Variants in SMPD1 observed in about 807,000 individuals in gnomAD.
The protein encoded by SMPD1 is sphingomyelin phosphodiesterase 1, also known as sphingomyelin phosphodiesterase.
Under a neutral mutation model 49.7 loss-of-function variants are expected in SMPD1, and 47 were observed. The observed-to-expected ratio is 0.95, with a 90% CI of 0.75 to 1.21. The LOEUF (loss-of-function observed/expected upper bound fraction) is 1.21, where lower values mean the gene tolerates loss of function less well. Ranked by LOEUF, SMPD1 falls within the 50% of genes most tolerant of loss-of-function variation. SMPD1 has a pLI of 0.00. For missense variants in SMPD1, 811 were observed against 822.2 expected (o/e 0.99, Z 0.17); for synonymous variants, 336 against 339.6 (o/e 0.99, Z 0.12).
Position 6,390,484 on chromosome 11 carries a change from C to G in SMPD1, c.-115C>G. On this transcript the variant is annotated 5_prime_UTR_variant, in exon 1 of 6. Transcript: ENST00000342245. Reference sequence around the variant, plus strand: ...GGCCGGCCGCGGAGCAGTCAGCCGACTACAGAGAAGGGTAATCGGGTGTCC... The same window carrying G: ...GGCCGGCCGCGGAGCAGTCAGCCGAGTACAGAGAAGGGTAATCGGGTGTCC... The G allele has an allele frequency of 6.5e-7, 1 of 1,528,146 alleles. No individual in the cohort carries two copies. Among genetic ancestry groups the G allele is most frequent in the Non-Finnish European group, 8.8e-7 (1 of 1,138,272 alleles). 94.7% of individuals were successfully genotyped at this position (1,528,146 alleles called of 1,614,324 possible).
Position 6,393,403 on chromosome 11 carries a change from G to A in SMPD1, c.1263+16G>A, listed in dbSNP as rs1308396151. On this transcript the variant is annotated intron_variant, in intron 3 of 5. Coordinates refer to ENST00000342245, the MANE Select transcript of SMPD1 (RefSeq NM_000543.5). ...AGGAGACAAAGTGAGGGCCAGTAGTGGGAACACGGTGGTGCTGGGGGACAA... is the reference window on the plus strand; with the variant it reads ...AGGAGACAAAGTGAGGGCCAGTAGTAGGAACACGGTGGTGCTGGGGGACAA... The A allele has an allele frequency of 6.2e-7, 1 of 1,608,704 alleles. No individual in the cohort carries two copies. Among genetic ancestry groups the A allele is most frequent in the Non-Finnish European group, 8.5e-7 (1 of 1,176,682 alleles).
At position 6,390,921 on chromosome 11, in the gene SMPD1, G is replaced by A. The variant is rs375723261; in HGVS notation, c.318+5G>A. ...GCCATCAACCTCGGGCTGAAGGTGA[G>A]CACTGAAGGGGCTGCAGTGGAGGAG... is the stretch of plus-strand genomic sequence containing the variant. On this transcript the variant is annotated splice_donor_5th_base_variant and intron_variant, in intron 1 of 5. Coordinates refer to ENST00000342245, the MANE Select transcript of SMPD1 (RefSeq NM_000543.5). 2.5e-6 allele frequency: 4 copies of A among 1,613,898 alleles called. No homozygotes were observed. Among genetic ancestry groups the A allele is most frequent in the African/African-American group, 1.3e-5 (1 of 74,938 alleles).
At chr11:6,391,066 ACACCCATGGCTACATGC>A (rs1847888464) in intron 1 of SMPD1, 150 bp downstream of exon 1, 2 of 1,060,094 alleles carry the variant, frequency 1.9e-6, no homozygotes, top group East Asian at 5.1e-5. Flanking sequence ...CCCTTTGGGG[ACACCCATGGCTACATGC>A]CACCATCACC....
chr11:6,394,879 G>C lies in SMPD1; in HGVS notation c.*272G>C, dbSNP rs528743699. ...AGAGGCCTAAGTTGACACTGCCCTGGGCAGACAAGACAGGAGCTGTCGCCC... is the reference window on the plus strand; with the variant it reads ...AGAGGCCTAAGTTGACACTGCCCTGCGCAGACAAGACAGGAGCTGTCGCCC... On this transcript the variant is annotated 3_prime_UTR_variant, in exon 6 of 6. Transcript: ENST00000342245. 580 of 534,410 alleles carry C rather than the reference G, an allele frequency of 1.1e-3. No homozygotes were observed. Among genetic ancestry groups the C allele is most frequent in the Non-Finnish European group, 1.7e-3 (513 of 297,130 alleles). The allele number at this position is 534,410 out of a possible 1,614,324, so 33.1% of individuals were successfully genotyped here. A position where few individuals can be genotyped will look rare whatever the true frequency, so the allele number is the denominator to read the frequency against.
Position 6,394,768 on chromosome 11 carries a change from T to C in SMPD1, c.*161T>C. The C allele has an allele frequency of 1.5e-6, 1 of 685,002 alleles. No individual in the cohort carries two copies. The highest frequency in any genetic ancestry group is 2.7e-5 in the East Asian group (1 of 37,068). The allele number at this position is 685,002 out of a possible 1,614,324, so 42.4% of individuals were successfully genotyped here. ...GGACCTTCTCCTTTCCTGGAGCTGG[T>C]TTAGCTGGATATGGGAGGGGGTTTG... On this transcript the variant is annotated 3_prime_UTR_variant, in exon 6 of 6. Coordinates refer to ENST00000342245, the MANE Select transcript of SMPD1 (RefSeq NM_000543.5).
chr11:6,391,175 C>T (rs1847890821), intron 1 of SMPD1, among the ~76,000 whole-genome samples: 2 of 152,264 alleles, frequency 1.3e-5, no homozygotes, highest in Admixed American at 6.5e-5. Context: ...CCTCATGCCA[C>T]AGGCCGCTGA....
Position 6,392,434 on chromosome 11 carries a change from G to A in SMPD1, c.1091+278G>A, listed in dbSNP as rs113960387. On this transcript the variant is annotated intron_variant, in intron 2 of 5. Coordinates refer to ENST00000342245, the MANE Select transcript of SMPD1 (RefSeq NM_000543.5). ...TAACCTCAAGCAATCCTCCCGCCTCGGCCTCCCAAAATGCTGGGACCACAG... is the reference window on the plus strand; with the variant it reads ...TAACCTCAAGCAATCCTCCCGCCTCAGCCTCCCAAAATGCTGGGACCACAG... 0.037 allele frequency among the ~76,000 whole-genome samples: 5,224 copies of A among 141,396 alleles called. 376 individuals carry two copies. The highest frequency in any genetic ancestry group is 0.14 in the African/African-American group (4,972 of 36,704). The allele number at this position is 141,396 out of a possible 152,430, so 92.8% of individuals were successfully genotyped here.
In SMPD1 at chr11:6,390,892, C is replaced by A; in HGVS notation, c.294C>A (p.Phe98Leu). Residue 98 changes from phenylalanine to leucine, a missense_variant, in exon 1 of 6, where the codon TTC (phenylalanine) becomes TTA (leucine). Coordinates refer to ENST00000342245, the MANE Select transcript of SMPD1 (RefSeq NM_000543.5). ...NLTCPICKGL[F>L]TAINLGLKKE... Reference sequence around the variant, plus strand: ...CCTGCCCAATCTGCAAAGGTCTATTCACCGCCATCAACCTCGGGCTGAAGG... The same window carrying A: ...CCTGCCCAATCTGCAAAGGTCTATTAACCGCCATCAACCTCGGGCTGAAGG... 1 of 1,614,114 alleles carries A rather than the reference C, an allele frequency of 6.2e-7. No individual in the cohort carries two copies. The highest frequency in any genetic ancestry group is 1.1e-5 in the South Asian group (1 of 91,074).
Position 6,390,700 on chromosome 11 carries a change from CCTGGTGCTGGCGCTGGCG to C in SMPD1, c.107_124del (p.Val36_Leu41del), listed in dbSNP as rs794726889. The C allele has an allele frequency of 1.1e-3, 1,701 of 1,546,844 alleles. 3 individuals carry two copies. The highest frequency in any genetic ancestry group is 1.4e-3 in the Middle Eastern group (8 of 5,862). ...GAGCCCCCGGACTCCTTTGGATGGG[CCTGGTGCTGGCGCTGGCG>C]CTGGCGCTGGCGCTGGCGCTGGCTC... On this transcript the variant is annotated inframe_deletion, in exon 1 of 6. Coordinates refer to ENST00000342245, the MANE Select transcript of SMPD1 (RefSeq NM_000543.5).
intron 3 of SMPD1, 82 bp downstream of exon 3, chr11:6,393,469 T>G (rs1310579583): frequency 2.6e-6 from 4 of 1,515,510 alleles, no homozygotes; most frequent in Non-Finnish European, 3.6e-6. Context: ...GGCACAGAAG[T>G]TTTATTTTCC....
At chr11:6,391,129 G>T (rs1847889709) in intron 1 of SMPD1, among the ~76,000 whole-genome samples, 1 of 152,250 alleles carries the variant, frequency 6.6e-6, no homozygotes, top group African/African-American at 2.4e-5. Flanking sequence ...AAATAATGCA[G>T]ACAGTGCCTG....
chr11:6,394,228 A>G lies in SMPD1; in HGVS notation c.1517A>G (p.Tyr506Cys), dbSNP rs774651673. Reference sequence around the variant, plus strand: ...CGTGTGTACCAAATAGATGGAAACTACTCCGGGAGCTCTCACGTGGTCCTG... The same window carrying G: ...CGTGTGTACCAAATAGATGGAAACTGCTCCGGGAGCTCTCACGTGGTCCTG... ...GYRVYQIDGN[Y>C]SGSSHVVLDH... is the part of the protein sequence containing the mutation. Residue 506 changes from tyrosine (Y) to cysteine (C), a missense_variant, in exon 6 of 6, where the codon TAC becomes TGC. Transcript: ENST00000342245. 1.2e-6 allele frequency: 2 copies of G among 1,613,916 alleles called. No individual in the cohort carries two copies. The highest frequency in any genetic ancestry group is 1.7e-5 in the Admixed American group (1 of 60,008).
chr11:6,393,679 C>T lies in SMPD1; in HGVS notation c.1326C>T (p.Tyr442=). The T allele has an allele frequency of 1.2e-6, 2 of 1,613,758 alleles. No homozygotes were observed. Among genetic ancestry groups the T allele is most frequent in the Non-Finnish European group, 1.7e-6 (2 of 1,179,658 alleles). The part of the protein sequence containing the change: ...HCLKSWSWNY[Y]RIVARYENTL... ...TGAAGAGCTGGAGCTGGAATTATTA[C>T]CGAATTGTAGCCAGGTAGGACGGAG... Residue 442 remains tyrosine, a synonymous_variant, in exon 4 of 6, where the codon TAC becomes TAT. Coordinates refer to ENST00000342245, the MANE Select transcript of SMPD1 (RefSeq NM_000543.5).
rs1185446981 is a variant in SMPD1, at chr11:6,390,640, G to T, written c.42G>T (p.Arg14Ser). The T allele has an allele frequency of 2.0e-5, 33 of 1,613,194 alleles. No homozygotes were observed. The highest frequency in any genetic ancestry group is 2.8e-5 in the Non-Finnish European group (33 of 1,179,792). The change falls in exon 1 of 6, where the codon AGG becomes AGT. Residue 14 changes from arginine to serine, a missense_variant. Transcript: ENST00000342245. The stretch of plus-strand genomic sequence containing the variant: ...CGTCACTCCGCCAGAGCTGCCCCAG[G>T]TCCGGCCGGGAGCAGGGACAAGACG... ...YGASLRQSCP[R>S]SGREQGQDGT... is the part of the protein sequence containing the mutation.
rs1401541760 is a variant in SMPD1, at chr11:6,394,592, G to A, written c.1881G>A (p.Arg627=). 1.2e-6 allele frequency: 2 copies of A among 1,602,934 alleles called. No individual in the cohort carries two copies. Among genetic ancestry groups the A allele is most frequent in the Admixed American group, 3.3e-5 (2 of 60,004 alleles). ...SLPEAQSLWP[R]PLFC is the part of the protein sequence containing the mutation. The stretch of plus-strand genomic sequence containing the variant: ...CAGAGGCCCAGAGCCTGTGGCCAAG[G>A]CCACTGTTTTGCTAGGGCCCCAGGG... The change falls in exon 6 of 6, where the codon AGG becomes AGA. Residue 627 remains arginine (R), a synonymous_variant. Transcript: ENST00000342245.
In SMPD1 at chr11:6,391,567, G is replaced by A. The variant is rs1847910654; in HGVS notation, c.502G>A (p.Gly168Arg). The A allele has an allele frequency of 6.8e-6, 11 of 1,613,268 alleles. No homozygotes were observed. The highest frequency in any genetic ancestry group is 9.3e-6 in the Non-Finnish European group (11 of 1,179,792). ...TGGCCTGCTCCTGGGCTCCACCTGTGGGCACTGGGACATTTTCTCATCTTG... is the reference window on the plus strand; with the variant it reads ...TGGCCTGCTCCTGGGCTCCACCTGTAGGCACTGGGACATTTTCTCATCTTG... ...ACGLLLGSTC[G>R]HWDIFSSWNI... The change falls in exon 2 of 6, where the codon GGG becomes AGG. Residue 168 changes from glycine to arginine, a missense_variant. Gly to Arg is a moderately radical substitution (Grantham distance 125). Transcript: ENST00000342245.
In SMPD1 at chr11:6,390,822, G is replaced by A; in HGVS notation, c.224G>A (p.Arg75His). The change falls in exon 1 of 6, where the codon CGC becomes CAC. Residue 75 changes from arginine (R) to histidine (H), a missense_variant. Arg to His is a conservative substitution (Grantham distance 29). Coordinates refer to ENST00000342245, the MANE Select transcript of SMPD1 (RefSeq NM_000543.5). The part of the protein sequence containing the change: ...SPQGHPARLH[R>H]IVPRLRDVFG... ...CAAGGCCATCCTGCCAGGTTACATC[G>A]CATAGTGCCCCGGCTCCGAGATGTC... The A allele has an allele frequency of 6.2e-7, 1 of 1,614,086 alleles. No homozygotes were observed. The highest frequency in any genetic ancestry group is 8.5e-7 in the Non-Finnish European group (1 of 1,179,990).
Position 6,391,382 on chromosome 11 carries a change from A to G in SMPD1, c.319-2A>G, listed in dbSNP as rs779080655. 1 of 1,612,342 alleles carries G rather than the reference A, an allele frequency of 6.2e-7. No homozygotes were observed. The highest frequency in any genetic ancestry group is 1.1e-5 in the South Asian group (1 of 90,996). On this transcript the variant is annotated splice_acceptor_variant, in intron 1 of 5. Coordinates refer to ENST00000342245, the MANE Select transcript of SMPD1 (RefSeq NM_000543.5). LOFTEE classifies it high-confidence loss of function. Reference sequence around the variant, plus strand: ...TCTCACCATGCGCTCCTCCCACTGCAGAAGGAACCCAATGTGGCTCGCGTG... The same window carrying G: ...TCTCACCATGCGCTCCTCCCACTGCGGAAGGAACCCAATGTGGCTCGCGTG...
intron 1 of SMPD1, 42 bp from the exon 2 acceptor site, chr11:6,391,342 G>T: frequency 6.2e-7 from 1 of 1,607,614 alleles, no homozygotes; most frequent in East Asian, 2.2e-5. Context: ...TGGTTCCTCT[G>T]CTCTGCCTCT....
Sources: gnomAD v4.1 joint callset for allele counts (sites outside exome capture counted in the v4.1 genomes callset) on GRCh38, gnomAD v4.1.1 for gene constraint, MANE v1.5 for transcripts, NCBI Gene and HGNC (gene_info 2026-07-23, HGNC 2026-07-21) for gene names.